RIMS2: variants seen among roughly 807,000 people sequenced by gnomAD.
RIMS2 encodes the protein regulating synaptic membrane exocytosis 2.
In RIMS2, 59 loss-of-function variants were observed where a neutral mutation model predicts 174.4. That is an observed-to-expected ratio of 0.34 (90% CI 0.27 to 0.42). The LOEUF is 0.42. RIMS2 is among the 10% of genes least tolerant of loss of function. The probability of loss-of-function intolerance (pLI) is 1.00; values close to 1 mark genes in which losing one functional copy is unlikely to be tolerated. For synonymous variants in RIMS2, 606 were observed against 572.5 expected, an observed-to-expected ratio of 1.06 and a Z score of -0.84; for missense variants, 1,620 against 1,666.3, an observed-to-expected ratio of 0.97 and a Z score of 0.48.
At chr8:103,611,772 G>T (rs1167641657) in intron 1 of RIMS2, among the ~76,000 whole-genome samples, 1 of 151,752 alleles carries the variant, frequency 6.6e-6, no homozygotes, top group African/African-American at 2.4e-5. Context: ...GGTTAAATCT[G>T]CTTGGTGTTC....
intron 17 of RIMS2, among the ~76,000 whole-genome samples, chr8:103,992,890 T>C (rs1271839205): frequency 6.6e-6 from 1 of 152,176 alleles, no homozygotes; most frequent in Non-Finnish European, 1.5e-5. Context: ...TAAGTCCTGG[T>C]AACTACTACA....
intron 3 of RIMS2, among the ~76,000 whole-genome samples, chr8:103,842,227 T>G (rs1403403851): frequency 6.6e-6 from 1 of 152,124 alleles, no homozygotes; most frequent in Non-Finnish European, 1.5e-5. Context: ...TAATGCTTTT[T>G]GACTATCTTC....
intron 2 of RIMS2, among the ~76,000 whole-genome samples, chr8:103,706,974 T>C (rs1054355115): frequency 6.6e-6 from 1 of 152,198 alleles, no homozygotes; most frequent in Non-Finnish European, 1.5e-5. Context: ...ACTTCATTTC[T>C]TTCATTTATT....
intron 1 of RIMS2, among the ~76,000 whole-genome samples, chr8:103,509,769 G>A (rs939310265): frequency 4.6e-5 from 7 of 151,908 alleles, no homozygotes; most frequent in African/African-American, 1.7e-4. Flanking sequence ...TCTAATACGG[G>A]TAACCTACAA....
intron 3 of RIMS2, among the ~76,000 whole-genome samples, chr8:103,864,909 A>T (rs1441213800): frequency 3.3e-5 from 5 of 152,164 alleles, no homozygotes; most frequent in Non-Finnish European, 7.4e-5. Flanking sequence ...AAACTCCTTA[A>T]GATAATTAAT....
At chr8:103,606,042 G>T (rs1479126186) in intron 1 of RIMS2, among the ~76,000 whole-genome samples, 1 of 146,148 alleles carries the variant, frequency 6.8e-6, no homozygotes, top group African/African-American at 2.6e-5. Context: ...CCTTCTGCTA[G>T]CTTTTGAATG....
chr8:104,093,475 G>T (rs375929179), intron 19 of RIMS2: 3 of 1,593,598 alleles, frequency 1.9e-6, no homozygotes, highest in South Asian at 1.1e-5. Flanking sequence ...TAACAGTATC[G>T]ATCAGGATGG....
At chr8:103,652,641 G>T in intron 1 of RIMS2, 1 of 1,349,626 alleles carries the variant, frequency 7.4e-7, no homozygotes, top group South Asian at 1.1e-5. Context: ...CCCTTTAGTG[G>T]AATCACTGAA....
rs2093461458 is a variant in RIMS2 at position 103,579,299 on chromosome 8, A to G, written c.176+78237A>G. Among the ~76,000 whole-genome samples the G allele has an allele frequency of 2.0e-5, 3 of 152,012 alleles. No homozygotes were observed. In the South Asian group the frequency reaches 6.2e-4, roughly 32 times the overall value. On this transcript the variant is annotated intron_variant, in intron 1 of 23. Coordinates refer to ENST00000504942, the Ensembl canonical transcript of RIMS2. ...GACACACACACACACAGACACACACACACACACACGAAATGCCAAAGGGAG... is the reference window on the plus strand; with the variant it reads ...GACACACACACACACAGACACACACGCACACACACGAAATGCCAAAGGGAG...
intron 1 of RIMS2, among the ~76,000 whole-genome samples, chr8:103,615,622 C>A (rs556196231): frequency 6.6e-6 from 1 of 151,808 alleles, no homozygotes; most frequent in African/African-American, 2.4e-5. Flanking sequence ...ATAAAATAGG[C>A]CACTAGCTAG....
At chr8:103,582,282 A>G (rs376269763) in intron 1 of RIMS2, among the ~76,000 whole-genome samples, 64 of 152,264 alleles carry the variant, frequency 4.2e-4, no homozygotes, top group African/African-American at 1.5e-3. Flanking sequence ...ACCAGCAGCA[A>G]TACTTAGGTG....
chr8:103,542,512 C>G (rs1587231774), intron 1 of RIMS2, among the ~76,000 whole-genome samples: 1 of 152,122 alleles, frequency 6.6e-6, no homozygotes, highest in African/African-American at 2.4e-5. Context: ...ATGCCAATAT[C>G]AAAGCCAGAC....
chr8:103,600,259 TTTTC>T (rs71575973), intron 1 of RIMS2, among the ~76,000 whole-genome samples: 8 of 151,278 alleles, frequency 5.3e-5, no homozygotes, highest in South Asian at 4.2e-4. Context: ...AAATGCTACA[TTTTC>T]TTTCTTTCTT....
At chr8:104,127,191 T>C (rs2098438832) in intron 19 of RIMS2, among the ~76,000 whole-genome samples, 1 of 152,220 alleles carries the variant, frequency 6.6e-6, no homozygotes. Context: ...TATGCCTGCT[T>C]TTGGCTATTC....
intron 19 of RIMS2, among the ~76,000 whole-genome samples, chr8:104,099,972 C>T (rs1432780421): frequency 6.6e-6 from 1 of 151,890 alleles, no homozygotes; most frequent in Non-Finnish European, 1.5e-5. Context: ...GTCACGCCAT[C>T]ACACCCAGCT....
intron 19 of RIMS2, among the ~76,000 whole-genome samples, chr8:104,198,146 G>A (rs1041909013): frequency 2.0e-5 from 3 of 152,044 alleles, no homozygotes; most frequent in African/African-American, 7.2e-5. Context: ...AAAGGATGCG[G>A]TTCGCCTCAA....
chr8:103,968,146 G>A (rs897014056), intron 15 of RIMS2, among the ~76,000 whole-genome samples: 8 of 152,088 alleles, frequency 5.3e-5, no homozygotes, highest in Admixed American at 1.3e-4. Flanking sequence ...CAGGCATGGT[G>A]AGCCATCATG....
intron 1 of RIMS2, among the ~76,000 whole-genome samples, chr8:103,576,619 C>T (rs987798234): frequency 6.6e-6 from 1 of 152,108 alleles, no homozygotes; most frequent in African/African-American, 2.4e-5. Flanking sequence ...ATAACCAAGA[C>T]AATCCTAAGT....
intron 19 of RIMS2, among the ~76,000 whole-genome samples, chr8:104,132,098 A>G (rs2098478495): frequency 6.6e-6 from 1 of 152,174 alleles, no homozygotes; most frequent in Non-Finnish European, 1.5e-5. Context: ...CATTCAAATA[A>G]TTTAGAAAGT....
Sources: gnomAD v4.1 joint callset for allele counts (sites outside exome capture counted in the v4.1 genomes callset) on GRCh38, gnomAD v4.1.1 for gene constraint, MANE v1.5 for transcripts, NCBI Gene and HGNC (gene_info 2026-07-23, HGNC 2026-07-21) for gene names.